The following SNTB1 variants were observed in gnomAD, a reference collection of about 807,000 sequenced individuals.
The protein encoded by SNTB1 is beta-1-syntrophin.
A neutral mutation model predicts 48.9 loss-of-function variants in SNTB1; 36 were observed. The ratio of observed to expected loss-of-function variants is 0.74; its 90% CI spans 0.56 to 0.97. SNTB1 has a LOEUF of 0.97. Among genes scored for constraint, SNTB1 ranks in the 50% least tolerant of loss-of-function variants. The pLI, the probability that SNTB1 is intolerant of heterozygous loss-of-function variation, is 0.00. For synonymous variants in SNTB1, 299 were observed against 294.6 expected, an observed-to-expected ratio of 1.01 and a Z score of -0.15; for missense variants, 786 against 703.4, an observed-to-expected ratio of 1.12 and a Z score of -1.33.
chr8:120,692,714 T>C (rs1245866632), intron 2 of SNTB1, among the ~76,000 whole-genome samples: 1 of 152,084 alleles, frequency 6.6e-6, no homozygotes, highest in African/African-American at 2.4e-5. Context: ...AAGAGATGCT[T>C]AAAGTAGAAA....
At chr8:120,629,974 G>C (rs757382418) in intron 3 of SNTB1, among the ~76,000 whole-genome samples, 3 of 152,222 alleles carry the variant, frequency 2.0e-5, no homozygotes, top group Non-Finnish European at 4.4e-5. Context: ...CAAATTATAG[G>C]TGAGAAAGAG....
rs1448130050 is a variant in SNTB1, at chr8:120,811,727, C to T, written c.117G>A (p.Val39=). Residue 39 remains valine, a synonymous_variant, in exon 1 of 7, where the codon GTG becomes GTA. Coordinates refer to ENST00000517992, the MANE Select transcript of SNTB1 (RefSeq NM_021021.4). ...LVRDRWHKVL[V]NLSEDALVLS... is the part of the protein sequence containing the mutation. ...GAACCAGGGCGTCCTCGCTCAAGTTCACCAGAACTTTGTGCCAGCGATCCC... is the reference window on the plus strand; with the variant it reads ...GAACCAGGGCGTCCTCGCTCAAGTTTACCAGAACTTTGTGCCAGCGATCCC... 4.5e-6 allele frequency: 7 copies of T among 1,565,260 alleles called. No homozygotes were observed. Among genetic ancestry groups the T allele is most frequent in the Non-Finnish European group, 6.0e-6 (7 of 1,160,492 alleles).
intron 1 of SNTB1, among the ~76,000 whole-genome samples, chr8:120,757,667 C>T (rs1819340525): frequency 1.3e-5 from 2 of 152,154 alleles, no homozygotes; most frequent in African/African-American, 4.8e-5. Context: ...AACAAGTCTT[C>T]CCTTCTTCTG....
At chr8:120,554,755 C>G (rs1400354024) in intron 4 of SNTB1, among the ~76,000 whole-genome samples, 1 of 152,124 alleles carries the variant, frequency 6.6e-6, no homozygotes, top group Non-Finnish European at 1.5e-5. Flanking sequence ...TTAACTGATC[C>G]ACGTGGGATG....
At chr8:120,755,026 G>C (rs1015930787) in intron 1 of SNTB1, among the ~76,000 whole-genome samples, 2 of 152,052 alleles carry the variant, frequency 1.3e-5, no homozygotes, top group Non-Finnish European at 2.9e-5. Context: ...CTTTGTATCC[G>C]AGGCAATGGT....
At chr8:120,767,187 T>C (rs1819540313) in intron 1 of SNTB1, among the ~76,000 whole-genome samples, 1 of 152,172 alleles carries the variant, frequency 6.6e-6, no homozygotes, top group South Asian at 2.1e-4. Context: ...CGTAAGAACC[T>C]TTTTTTGTCC....
intron 2 of SNTB1, among the ~76,000 whole-genome samples, chr8:120,649,701 C>G (rs1379924269): frequency 4.6e-5 from 7 of 151,972 alleles, no homozygotes; most frequent in South Asian, 2.1e-4. Flanking sequence ...CCACCCAGTT[C>G]GAGCTTCCCG....
At chr8:120,646,478 C>T (rs1427064261) in intron 2 of SNTB1, among the ~76,000 whole-genome samples, 32 of 148,430 alleles carry the variant, frequency 2.2e-4, no homozygotes, top group Non-Finnish European at 4.0e-4. Context: ...TATTGATTTG[C>T]ATATATTGAA....
chr8:120,587,520 A>G (rs1228578670), intron 3 of SNTB1, among the ~76,000 whole-genome samples: 1 of 152,130 alleles, frequency 6.6e-6, no homozygotes, highest in African/African-American at 2.4e-5. Context: ...TCCATACTTT[A>G]TATATCCTTA....
chr8:120,747,444 C>G (rs551084762), intron 1 of SNTB1, among the ~76,000 whole-genome samples: 2 of 152,274 alleles, frequency 1.3e-5, no homozygotes, highest in African/African-American at 4.8e-5. Context: ...GCGTGCACCA[C>G]CATGCCCGGC....
intron 6 of SNTB1, among the ~76,000 whole-genome samples, chr8:120,539,176 A>C (rs915125189): frequency 4.6e-5 from 7 of 152,212 alleles, no homozygotes; most frequent in Non-Finnish European, 8.8e-5. Context: ...TTTTTCCGAA[A>C]TAGTTCCTGT....
chr8:120,700,187 G>T (rs201031683), intron 1 of SNTB1, among the ~76,000 whole-genome samples: 1 of 147,522 alleles, frequency 6.8e-6, no homozygotes, highest in African/African-American at 2.4e-5. Flanking sequence ...GTTTGTGTGT[G>T]TGTGCGTGTA....
chr8:120,797,449 C>T (rs1220128194), intron 1 of SNTB1, among the ~76,000 whole-genome samples: 5 of 151,778 alleles, frequency 3.3e-5, no homozygotes, highest in African/African-American at 1.2e-4. Context: ...ATAACAAAAG[C>T]CCATGGCCTG....
chr8:120,596,839 G>A (rs1007182767), intron 3 of SNTB1, among the ~76,000 whole-genome samples: 5 of 152,128 alleles, frequency 3.3e-5, no homozygotes, highest in African/African-American at 1.2e-4. Context: ...GATGAGACTG[G>A]GCACATCTGG....
intron 2 of SNTB1, among the ~76,000 whole-genome samples, chr8:120,642,924 C>A (rs1817220528): frequency 6.6e-6 from 1 of 152,040 alleles, no homozygotes; most frequent in African/African-American, 2.4e-5. Context: ...AACAAAAAAA[C>A]AAAACAAAAC....
rs1161179134 is a variant in SNTB1 at position 120,811,697 on chromosome 8, G to A, written c.147C>T (p.Ser49=). Residue 49 remains serine (S), a synonymous_variant, in exon 1 of 7, where the codon AGC becomes AGT. Coordinates refer to ENST00000517992, the MANE Select transcript of SNTB1 (RefSeq NM_021021.4). Reference sequence around the variant, plus strand: ...TGTACGCCGCAGCGCCCTCCTCGCTGCTCAGAACCAGGGCGTCCTCGCTCA... The same window carrying A: ...TGTACGCCGCAGCGCCCTCCTCGCTACTCAGAACCAGGGCGTCCTCGCTCA... ...VNLSEDALVL[S]SEEGAAAYNG... is the part of the protein sequence containing the mutation. 1 of 1,587,002 alleles carries A rather than the reference G, an allele frequency of 6.3e-7. No homozygotes were observed.
At chr8:120,762,997 G>A (rs1819448111) in intron 1 of SNTB1, among the ~76,000 whole-genome samples, 1 of 152,154 alleles carries the variant, frequency 6.6e-6, no homozygotes, top group South Asian at 2.1e-4. Context: ...GGGAAGCTGA[G>A]GCTCAGAGGT....
At chr8:120,764,735 A>C (rs1420317491) in intron 1 of SNTB1, among the ~76,000 whole-genome samples, 1 of 152,170 alleles carries the variant, frequency 6.6e-6, no homozygotes, top group Non-Finnish European at 1.5e-5. Flanking sequence ...TGCTCAGCTG[A>C]AGTAAACCCA....
At chr8:120,634,167 C>T (rs1254659979) in intron 2 of SNTB1, among the ~76,000 whole-genome samples, 1 of 152,084 alleles carries the variant, frequency 6.6e-6, no homozygotes, top group Non-Finnish European at 1.5e-5. Context: ...ACCCAATATT[C>T]ATTCACGTAT....
Sources: allele counts gnomAD v4.1 joint callset (sites outside exome capture counted in the v4.1 genomes callset), GRCh38; gene constraint gnomAD v4.1.1; transcripts MANE v1.5; gene names NCBI Gene and HGNC (gene_info 2026-07-23, HGNC 2026-07-21).